The following ARHGAP28 variants were observed in gnomAD, a reference collection of about 807,000 sequenced individuals.
ARHGAP28 encodes rho GTPase-activating protein 28.
Under a neutral mutation model 90.7 loss-of-function variants are expected in ARHGAP28, and 56 were observed. That is an observed-to-expected ratio of 0.62 (90% CI 0.50 to 0.77). The LOEUF is 0.77. ARHGAP28 is among the 30% of genes least tolerant of loss of function. The pLI is 0.00. For missense variants in ARHGAP28, 869 were observed against 900.9 expected (o/e 0.96, Z 0.45); for synonymous variants, 308 against 323.3 (o/e 0.95, Z 0.51).
In ARHGAP28 at chr18:6,845,517, C is replaced by T. The variant is rs1012318052; in HGVS notation, c.544-5517C>T. 3.9e-5 allele frequency among the ~76,000 whole-genome samples: 6 copies of T among 152,224 alleles called. 1 individual carries two copies. The highest frequency in any genetic ancestry group is 2.0e-4 in the Admixed American group (3 of 15,290). Reference sequence around the variant, plus strand: ...ATGGTGTTTTGCTGCACAGATCAACCCATCACATTGGTATTAAGCTCTGCA... The same window carrying T: ...ATGGTGTTTTGCTGCACAGATCAACTCATCACATTGGTATTAAGCTCTGCA... On this transcript the variant is annotated intron_variant, in intron 3 of 17. Transcript: ENST00000383472.
intron 1 of ARHGAP28, among the ~76,000 whole-genome samples, chr18:6,817,400 G>T (rs918397330): frequency 6.6e-6 from 1 of 152,106 alleles, no homozygotes; most frequent in Non-Finnish European, 1.5e-5. Context: ...TACGAGGCAG[G>T]TTGTGTTGAC....
intron 5 of ARHGAP28, among the ~76,000 whole-genome samples, chr18:6,862,980 A>G (rs1471220658): frequency 6.6e-6 from 1 of 152,054 alleles, no homozygotes; most frequent in East Asian, 1.9e-4. Flanking sequence ...TTTGTTTCTT[A>G]TAAGTGTCTC....
intron 7 of ARHGAP28, among the ~76,000 whole-genome samples, chr18:6,871,993 G>T (rs1328448273): frequency 6.6e-6 from 1 of 152,208 alleles, no homozygotes; most frequent in African/African-American, 2.4e-5. Context: ...AGCAGAAATA[G>T]GATTTGAAAC....
chr18:6,792,413 A>G (rs1185844345), intron 1 of ARHGAP28, among the ~76,000 whole-genome samples: 1 of 152,264 alleles, frequency 6.6e-6, no homozygotes, highest in South Asian at 2.1e-4. Context: ...TGATAGTTAT[A>G]AACAGGTTTT....
intron 1 of ARHGAP28, among the ~76,000 whole-genome samples, chr18:6,770,621 T>G (rs143489569): frequency 1.6e-3 from 237 of 152,324 alleles, no homozygotes; most frequent in African/African-American, 5.5e-3. Context: ...CCACATAGAC[T>G]GATATTTGTC....
chr18:6,894,852 T>G lies in ARHGAP28; in HGVS notation c.1866T>G (p.Thr622=). Residue 622 remains threonine (T), a synonymous_variant, in exon 15 of 18, where the codon ACT becomes ACG. Coordinates refer to ENST00000383472, the MANE Select transcript of ARHGAP28 (RefSeq NM_001366230.1). ...TLERETASPK[T]SKVLQKSPSA... ...TCTTTTAGACTGCAAGCCCCAAGAC[T>G]TCAAAGGTACTGCAAAAATCACCCT... 1 of 1,614,086 alleles carries G rather than the reference T, an allele frequency of 6.2e-7. No individual in the cohort carries two copies. The highest frequency in any genetic ancestry group is 8.5e-7 in the Non-Finnish European group (1 of 1,179,990).
At chr18:6,870,537 T>C in intron 6 of ARHGAP28, 53 bp from the exon 7 acceptor site, 1 of 1,488,262 alleles carries the variant, frequency 6.7e-7, no homozygotes, top group Non-Finnish European at 9.3e-7. Flanking sequence ...GCAAATAGTA[T>C]TGATTGATTA....
rs1352469993 is a variant in ARHGAP28, at chr18:6,913,428, A to C, written c.*1274A>C. 6.6e-6 allele frequency: 1 copy of C among 152,134 alleles called. No individual in the cohort carries two copies. Among genetic ancestry groups the C allele is most frequent in the East Asian group, 1.9e-4 (1 of 5,178 alleles). 9.4% of individuals were successfully genotyped at this position (152,134 alleles called of 1,614,324 possible). ...GTTCTCATTTATCCCAGATATATAC[A>C]TTGGCTTTTTTGGAATCTATAGATT... On this transcript the variant is annotated 3_prime_UTR_variant, in exon 18 of 18. Coordinates refer to ENST00000383472, the MANE Select transcript of ARHGAP28 (RefSeq NM_001366230.1).
chr18:6,871,182 G>T (rs182307865), intron 7 of ARHGAP28, among the ~76,000 whole-genome samples: 3 of 152,216 alleles, frequency 2.0e-5, no homozygotes, highest in African/African-American at 2.4e-5. Context: ...ACCATTGGGG[G>T]TGTTATGTGG....
At chr18:6,792,484 T>C (rs2056413578) in intron 1 of ARHGAP28, among the ~76,000 whole-genome samples, 2 of 152,330 alleles carry the variant, frequency 1.3e-5, no homozygotes, top group East Asian at 1.9e-4. Flanking sequence ...GACAGTTCTT[T>C]CTTATGCAGT....
At chr18:6,823,411 G>T (rs909764375) in intron 1 of ARHGAP28, among the ~76,000 whole-genome samples, 1 of 151,858 alleles carries the variant, frequency 6.6e-6, no homozygotes, top group Non-Finnish European at 1.5e-5. Context: ...ACCACATTTT[G>T]CTTGTCCATT....
chr18:6,809,940 T>C (rs1158715307), intron 1 of ARHGAP28, among the ~76,000 whole-genome samples: 3 of 152,242 alleles, frequency 2.0e-5, no homozygotes, highest in African/African-American at 7.2e-5. Flanking sequence ...CTAATCATTG[T>C]CACTATATTA....
intron 1 of ARHGAP28, among the ~76,000 whole-genome samples, chr18:6,780,492 G>C (rs545407220): frequency 1.3e-5 from 2 of 152,106 alleles, no homozygotes; most frequent in African/African-American, 4.8e-5. Context: ...CTTGAGCATC[G>C]GTGGAATTTG....
At chr18:6,908,006 G>T (rs1383756130) in intron 16 of ARHGAP28, among the ~76,000 whole-genome samples, 1 of 152,212 alleles carries the variant, frequency 6.6e-6, no homozygotes, top group Non-Finnish European at 1.5e-5. Context: ...GGGGATGGAG[G>T]TCAGCGATGG....
At chr18:6,795,307 G>A (rs893334817) in intron 1 of ARHGAP28, among the ~76,000 whole-genome samples, 3 of 152,080 alleles carry the variant, frequency 2.0e-5, no homozygotes, top group African/African-American at 7.2e-5. Flanking sequence ...AGTGCTCCAG[G>A]AGGGCACAGC....
In ARHGAP28 at chr18:6,890,038, G is replaced by A. The variant is rs139147332; in HGVS notation, c.1687G>A (p.Ala563Thr). The A allele has an allele frequency of 7.9e-5, 128 of 1,614,036 alleles. No homozygotes were observed. Among genetic ancestry groups the A allele is most frequent in the Non-Finnish European group, 1.0e-4 (121 of 1,180,034 alleles). ...YEELLLANTA[A>T]HIIRLMLKYQ... ...AGAATTACTGTTAGCAAACACTGCG[G>A]CCCACATCATCCGCCTAATGCTTAA... The change falls in exon 13 of 18, where the codon GCC becomes ACC. Residue 563 changes from alanine to threonine, a missense_variant. Ala to Thr is a moderately conservative substitution (Grantham distance 58, BLOSUM62 0). Coordinates refer to ENST00000383472, the MANE Select transcript of ARHGAP28 (RefSeq NM_001366230.1).
intron 4 of ARHGAP28, among the ~76,000 whole-genome samples, chr18:6,852,048 T>C (rs1272757644): frequency 6.6e-6 from 1 of 152,244 alleles, no homozygotes; most frequent in Non-Finnish European, 1.5e-5. Flanking sequence ...TTATGTACAG[T>C]TAATTGCATA....
chr18:6,824,575 T>A (rs1235056570), intron 1 of ARHGAP28, among the ~76,000 whole-genome samples, 187 bp from the exon 2 acceptor site: 2 of 152,006 alleles, frequency 1.3e-5, no homozygotes, highest in African/African-American at 2.4e-5. Context: ...AAATAAAGTA[T>A]AGAGAATTTT....
At chr18:6,794,544 A>C (rs2056428358) in intron 1 of ARHGAP28, among the ~76,000 whole-genome samples, 2 of 152,330 alleles carry the variant, frequency 1.3e-5, no homozygotes, top group South Asian at 2.1e-4. Context: ...TTGTGATTTT[A>C]AAAATTCCCA....
Sources: allele counts gnomAD v4.1 joint callset (sites outside exome capture counted in the v4.1 genomes callset), GRCh38; gene constraint gnomAD v4.1.1; transcripts MANE v1.5; gene names NCBI Gene and HGNC (gene_info 2026-07-23, HGNC 2026-07-21).